Variants in MIS18A observed in about 807,000 individuals in gnomAD.
The protein encoded by MIS18A is MIS18 kinetochore protein A.
Under a neutral mutation model 25.0 loss-of-function variants are expected in MIS18A, and 14 were observed. The observed-to-expected ratio is 0.56, with a 90% CI of 0.37 to 0.88. MIS18A has a LOEUF of 0.88. Among genes scored for constraint, MIS18A ranks in the 40% least tolerant of loss-of-function variants. The pLI, the probability that MIS18A is intolerant of heterozygous loss-of-function variation, is 0.00. For missense variants in MIS18A, 292 were observed against 290.8 expected (o/e 1.00, Z -0.03); for synonymous variants, 134 against 118.6 (o/e 1.13, Z -0.84).
the MIS18A span, among the ~76,000 whole-genome samples, chr21:32,236,903 A>T: frequency 2.0e-5 from 3 of 152,262 alleles, no homozygotes; most frequent in Admixed American, 2.0e-4. Context: ...GGGCAATGAG[A>T]TATCAGGAAT....
chr21:32,247,791 G>A, the MIS18A span, among the ~76,000 whole-genome samples: 4 of 152,162 alleles, frequency 2.6e-5, no homozygotes, highest in Non-Finnish European at 5.9e-5. Context: ...CCTCGATCTT[G>A]GACTTCCAAG....
chr21:32,274,930 T>C (rs773216913), intron 1 of MIS18A, 34 bp from the exon 2 acceptor site: 3 of 1,556,546 alleles, frequency 1.9e-6, no homozygotes, highest in Non-Finnish European at 8.8e-7. Flanking sequence ...AATTTATTAA[T>C]GTAGTTCGTT....
the MIS18A span, among the ~76,000 whole-genome samples, chr21:32,256,337 A>C: frequency 6.6e-6 from 1 of 152,162 alleles, no homozygotes; most frequent in East Asian, 1.9e-4. Flanking sequence ...AAACCTGTCC[A>C]CATTTCTTTC....
At chr21:32,172,156 G>T in the MIS18A span, among the ~76,000 whole-genome samples, 1 of 152,014 alleles carries the variant, frequency 6.6e-6, no homozygotes, top group Non-Finnish European at 1.5e-5. Context: ...GTTGGTGAGG[G>T]TGTAGAGAAA....
the MIS18A span, among the ~76,000 whole-genome samples, chr21:32,214,177 T>A: frequency 4.6e-5 from 7 of 152,130 alleles, no homozygotes; most frequent in East Asian, 1.4e-3. Flanking sequence ...ACACCCCACC[T>A]CTCTTCTCTG....
the MIS18A span, among the ~76,000 whole-genome samples, chr21:32,186,359 C>T: frequency 0.017 from 2,581 of 152,294 alleles, 75 homozygotes; most frequent in African/African-American, 0.057. Flanking sequence ...TTTGCCTTGC[C>T]CATGAGCCTG....
At chr21:32,165,501 T>C in the MIS18A span, among the ~76,000 whole-genome samples, 1 of 151,182 alleles carries the variant, frequency 6.6e-6, no homozygotes, top group Non-Finnish European at 1.5e-5. Flanking sequence ...AAGGATGGCA[T>C]GACACAGCTC....
the MIS18A span, among the ~76,000 whole-genome samples, chr21:32,200,859 A>G: frequency 6.6e-6 from 1 of 152,156 alleles, no homozygotes; most frequent in African/African-American, 2.4e-5. Context: ...CTAATTATCT[A>G]CTGCTTAAAA....
the MIS18A span, among the ~76,000 whole-genome samples, chr21:32,158,496 C>A: frequency 0.35 from 52,428 of 149,658 alleles, 9,236 homozygotes; most frequent in African/African-American, 0.37. Flanking sequence ...CTTTTTGAGA[C>A]AGAGTTTTGC....
chr21:32,231,605 A>G, the MIS18A span, among the ~76,000 whole-genome samples: 1 of 152,160 alleles, frequency 6.6e-6, no homozygotes, highest in African/African-American at 2.4e-5. Flanking sequence ...AAACTAGTGC[A>G]GCTACTTTGA....
downstream of MIS18A, among the ~76,000 whole-genome samples, chr21:32,265,931 T>C (rs998307004): frequency 4.6e-5 from 7 of 151,940 alleles, no homozygotes; most frequent in African/African-American, 1.7e-4. Context: ...GGTGAGGACA[T>C]GGAGAGTCTT....
At chr21:32,254,917 C>A in the MIS18A span, among the ~76,000 whole-genome samples, 2 of 152,144 alleles carry the variant, frequency 1.3e-5, no homozygotes, top group African/African-American at 4.8e-5. Context: ...TAGTACATAA[C>A]GCCGAGAGTT....
chr21:32,256,510 T>C, the MIS18A span, among the ~76,000 whole-genome samples: 1 of 152,154 alleles, frequency 6.6e-6, no homozygotes, highest in Non-Finnish European at 1.5e-5. Flanking sequence ...GTGTGCTGGT[T>C]TTCCCGGGAC....
At chr21:32,231,624 C>T in the MIS18A span, among the ~76,000 whole-genome samples, 1 of 152,176 alleles carries the variant, frequency 6.6e-6, no homozygotes, top group Non-Finnish European at 1.5e-5. Context: ...GAAAAACAGT[C>T]TAGCAATGCC....
At chr21:32,210,511 C>T in the MIS18A span, among the ~76,000 whole-genome samples, 2,255 of 152,260 alleles carry the variant, frequency 0.015, 56 homozygotes, top group African/African-American at 0.051. Context: ...TTCAGGCTGA[C>T]GGTGTGCATC....
At chr21:32,233,032 A>T in the MIS18A span, among the ~76,000 whole-genome samples, 1 of 152,216 alleles carries the variant, frequency 6.6e-6, no homozygotes, top group Non-Finnish European at 1.5e-5. Context: ...GAAAGGCAGT[A>T]GTCTAAATTC....
chr21:32,212,558 C>A, the MIS18A span, among the ~76,000 whole-genome samples: 2 of 152,118 alleles, frequency 1.3e-5, no homozygotes, highest in African/African-American at 4.8e-5. Context: ...AGGACAGGGG[C>A]CCTTCTGGGT....
At chr21:32,157,223 A>AT in the MIS18A span, among the ~76,000 whole-genome samples, 1,022 of 72,318 alleles carry the variant, frequency 0.014, 65 homozygotes, top group East Asian at 0.061. Flanking sequence ...TACCCGGCTA[A>AT]TTTTTTTTTT....
chr21:32,234,603 A>G, the MIS18A span, among the ~76,000 whole-genome samples: 1 of 152,204 alleles, frequency 6.6e-6, no homozygotes, highest in East Asian at 1.9e-4. Flanking sequence ...GGACCCCCTC[A>G]TGACTGGCTT....
Sources: gnomAD v4.1 joint callset for allele counts (sites outside exome capture counted in the v4.1 genomes callset) on GRCh38, gnomAD v4.1.1 for gene constraint, MANE v1.5 for transcripts, NCBI Gene and HGNC (gene_info 2026-07-23, HGNC 2026-07-21) for gene names.